Variants in LRRC4C observed in about 807,000 individuals in gnomAD.
LRRC4C encodes leucine rich repeat containing 4C.
Under a neutral mutation model 33.6 loss-of-function variants are expected in LRRC4C, and 5 were observed. The observed-to-expected ratio is 0.15, with a 90% CI of 0.08 to 0.31. The LOEUF (loss-of-function observed/expected upper bound fraction) is 0.31, where lower values mean the gene tolerates loss of function less well. LRRC4C is among the 10% of genes least tolerant of loss of function. The probability of loss-of-function intolerance (pLI) is 1.00; values close to 1 mark genes in which losing one functional copy is unlikely to be tolerated. For synonymous variants in LRRC4C, 329 were observed against 302.0 expected (o/e 1.09, Z -0.93); for missense variants, 560 against 796.7 (o/e 0.70, Z 3.58).
At chr11:40,378,055 T>C (rs976800344) in intron 3 of LRRC4C, among the ~76,000 whole-genome samples, 1 of 152,070 alleles carries the variant, frequency 6.6e-6, no homozygotes. Context: ...ACTCAGTAAA[T>C]AGCAAAGATG....
At chr11:40,227,867 A>T (rs1246340914) in intron 5 of LRRC4C, among the ~76,000 whole-genome samples, 1 of 152,166 alleles carries the variant, frequency 6.6e-6, no homozygotes, top group African/African-American at 2.4e-5. Flanking sequence ...ATGAAGAGGA[A>T]AAAGATCTAC....
At chr11:41,298,965 C>T (rs987088787) in intron 1 of LRRC4C, among the ~76,000 whole-genome samples, 1 of 152,092 alleles carries the variant, frequency 6.6e-6, no homozygotes, top group Non-Finnish European at 1.5e-5. Context: ...CTGCAAAAGA[C>T]ATGTTTTTAT....
intron 5 of LRRC4C, among the ~76,000 whole-genome samples, chr11:40,203,786 A>T (rs1053035771): frequency 6.6e-6 from 1 of 152,244 alleles, no homozygotes; most frequent in African/African-American, 2.4e-5. Context: ...CAGGCATTTC[A>T]TCTAAACAAT....
intron 4 of LRRC4C, among the ~76,000 whole-genome samples, chr11:40,282,204 A>G (rs1283086198): frequency 2.0e-5 from 3 of 152,028 alleles, no homozygotes; most frequent in African/African-American, 7.2e-5. Context: ...AATTAGCTGG[A>G]CATGGTGGCA....
intron 3 of LRRC4C, among the ~76,000 whole-genome samples, chr11:40,537,772 G>T (rs1312376943): frequency 6.6e-6 from 1 of 151,982 alleles, no homozygotes; most frequent in African/African-American, 2.4e-5. Context: ...TAGTTCCCTG[G>T]GAAAGGAAAG....
intron 2 of LRRC4C, among the ~76,000 whole-genome samples, chr11:40,916,571 T>A (rs986078940): frequency 3.9e-5 from 6 of 152,064 alleles, no homozygotes; most frequent in African/African-American, 1.4e-4. Flanking sequence ...GTGGGAGGGA[T>A]AGCATTAGGA....
intron 1 of LRRC4C, among the ~76,000 whole-genome samples, chr11:41,298,753 C>T (rs985394857): frequency 5.3e-5 from 8 of 152,122 alleles, no homozygotes; most frequent in Admixed American, 1.3e-4. Context: ...AAATAGTGTA[C>T]ATTGTACCCA....
At chr11:40,989,511 C>T (rs1233044497) in intron 1 of LRRC4C, among the ~76,000 whole-genome samples, 3 of 152,056 alleles carry the variant, frequency 2.0e-5, no homozygotes, top group Non-Finnish European at 4.4e-5. Context: ...CGTCTGTGTT[C>T]CACCGCAAAA....
intron 3 of LRRC4C, among the ~76,000 whole-genome samples, chr11:40,320,377 C>T (rs549723135): frequency 5.9e-5 from 9 of 151,870 alleles, no homozygotes; most frequent in East Asian, 1.9e-4. Flanking sequence ...TGGTGGTGGG[C>T]GCCTGTAGTC....
chr11:41,245,005 T>C (rs1209149134), intron 1 of LRRC4C, among the ~76,000 whole-genome samples: 1 of 152,232 alleles, frequency 6.6e-6, no homozygotes, highest in Non-Finnish European at 1.5e-5. Flanking sequence ...TGGAATGGAC[T>C]CTGGAGTCAC....
intron 3 of LRRC4C, among the ~76,000 whole-genome samples, chr11:40,578,421 T>C (rs1198518018): frequency 6.6e-6 from 1 of 152,112 alleles, no homozygotes; most frequent in South Asian, 2.1e-4. Flanking sequence ...TGCAAGTATT[T>C]ATTGTTAATC....
chr11:40,217,722 G>T (rs978178159), intron 5 of LRRC4C, among the ~76,000 whole-genome samples: 2 of 152,016 alleles, frequency 1.3e-5, no homozygotes, highest in African/African-American at 4.8e-5. Context: ...CTGTTTTTAA[G>T]CCTCAGCACA....
chr11:40,965,143 T>A (rs1851253086), intron 1 of LRRC4C, among the ~76,000 whole-genome samples: 1 of 152,200 alleles, frequency 6.6e-6, no homozygotes, highest in African/African-American at 2.4e-5. Flanking sequence ...ATTTTTCATG[T>A]GTTTTTTGGC....
Position 40,567,620 on chromosome 11 carries a change from C to G in LRRC4C, c.-270+80522G>C, listed in dbSNP as rs1957817246. Among the ~76,000 whole-genome samples, 4 of 152,266 alleles carry G rather than the reference C, an allele frequency of 2.6e-5. No individual in the cohort carries two copies. The South Asian group carries it at 8.3e-4, about 32-fold the overall frequency. The stretch of plus-strand genomic sequence containing the variant: ...ATATATGACTCCTTATAATGCTCTC[C>G]AGTCCCATGACTCTGTAATGAAGTT... On this transcript the variant is annotated intron_variant, in intron 3 of 6. Coordinates refer to ENST00000528697, the MANE Select transcript of LRRC4C (RefSeq NM_001258419.2).
intron 1 of LRRC4C, among the ~76,000 whole-genome samples, chr11:41,186,094 A>G (rs961018261): frequency 6.6e-6 from 1 of 152,258 alleles, no homozygotes. Flanking sequence ...TGAATGTAGT[A>G]TAAAATTTTG....
At position 41,134,648 on chromosome 11, in the gene LRRC4C, AC is replaced by A. The variant is rs202210813; in HGVS notation, c.-495-200926del. On this transcript the variant is annotated intron_variant, in intron 1 of 6. Coordinates refer to ENST00000528697, the MANE Select transcript of LRRC4C (RefSeq NM_001258419.2). ...AAGGTGTTGGCAGAGCTATGCTCCTACCCAAACCTCTAGAGGAGGATCCTCT... is the reference window on the plus strand; with the variant it reads ...AAGGTGTTGGCAGAGCTATGCTCCTACCAAACCTCTAGAGGAGGATCCTCT... Among the ~76,000 whole-genome samples, 940 of 152,272 alleles carry A rather than the reference AC, an allele frequency of 6.2e-3. 15 individuals carry two copies. Among genetic ancestry groups the A allele is most frequent in the African/African-American group, 0.021 (891 of 41,562 alleles).
intron 2 of LRRC4C, among the ~76,000 whole-genome samples, chr11:40,862,863 C>T (rs1954170356): frequency 6.6e-6 from 1 of 152,166 alleles, no homozygotes; most frequent in Non-Finnish European, 1.5e-5. Context: ...AAATGCTGTA[C>T]ATTGCTGAGG....
chr11:41,429,749 G>A (rs11036398), intron 1 of LRRC4C, among the ~76,000 whole-genome samples: 114 of 152,068 alleles, frequency 7.5e-4, no homozygotes, highest in Non-Finnish European at 1.4e-3. Flanking sequence ...AAATTGCAGT[G>A]GTGTATTAAG....
chr11:40,864,388 C>G (rs1263012727), intron 2 of LRRC4C, among the ~76,000 whole-genome samples: 1 of 152,048 alleles, frequency 6.6e-6, no homozygotes, highest in Non-Finnish European at 1.5e-5. Flanking sequence ...TAATTTATAC[C>G]ACAAGATGTA....
Sources: allele counts gnomAD v4.1 joint callset (sites outside exome capture counted in the v4.1 genomes callset), GRCh38; gene constraint gnomAD v4.1.1; transcripts MANE v1.5; gene names NCBI Gene and HGNC (gene_info 2026-07-23, HGNC 2026-07-21).